ITGA9: variants seen among roughly 807,000 people sequenced by gnomAD.
The protein encoded by ITGA9 is integrin alpha-9.
A neutral mutation model predicts 127.8 loss-of-function variants in ITGA9; 56 were observed. That is an observed-to-expected ratio of 0.44 (90% CI 0.35 to 0.55). The LOEUF (loss-of-function observed/expected upper bound fraction) is 0.55, where lower values mean the gene tolerates loss of function less well. Ranked by LOEUF, ITGA9 falls within the 20% of genes least tolerant of loss-of-function variation. The pLI is 0.00. For missense variants in ITGA9, 1,196 were observed against 1,347.1 expected (o/e 0.89, Z 1.76); for synonymous variants, 508 against 514.5 (o/e 0.99, Z 0.17).
chr3:37,657,423 G>T (rs531841568), intron 17 of ITGA9, among the ~76,000 whole-genome samples: 1 of 152,226 alleles, frequency 6.6e-6, no homozygotes, highest in East Asian at 1.9e-4. Context: ...TTTTGGGAGG[G>T]TGTATGTGTC....
intron 15 of ITGA9, among the ~76,000 whole-genome samples, chr3:37,621,833 A>G (rs1401894622): frequency 5.9e-5 from 9 of 152,238 alleles, no homozygotes; most frequent in Non-Finnish European, 1.5e-5. Context: ...ATATATAGTC[A>G]TATTAAAATC....
At chr3:37,777,999 TAGG>T (rs1270440399) in intron 24 of ITGA9, among the ~76,000 whole-genome samples, 11 of 152,156 alleles carry the variant, frequency 7.2e-5, no homozygotes, top group Non-Finnish European at 1.5e-4. Context: ...TATCCATCAA[TAGG>T]AGAATAAGTA....
At chr3:37,542,695 A>G (rs576937214) in intron 15 of ITGA9, 110 bp downstream of exon 15, 2 of 1,114,118 alleles carry the variant, frequency 1.8e-6, no homozygotes, top group African/African-American at 1.5e-5. Flanking sequence ...CCAAAATTTT[A>G]TTTCACAGGG....
At chr3:37,705,757 C>A (rs1198962607) in intron 18 of ITGA9, among the ~76,000 whole-genome samples, 2 of 152,136 alleles carry the variant, frequency 1.3e-5, no homozygotes, top group Non-Finnish European at 2.9e-5. Flanking sequence ...TTTTCTTGTG[C>A]CTCATGAATT....
At chr3:37,585,657 AG>A (rs771992174) in intron 15 of ITGA9, 3 of 515,588 alleles carry the variant, frequency 5.8e-6, no homozygotes, top group South Asian at 1.4e-5. Flanking sequence ...TTGTGGCTAA[AG>A]AAGTCTCAAC....
intron 18 of ITGA9, 88 bp from the exon 19 acceptor site, chr3:37,732,624 T>A: frequency 1.0e-6 from 1 of 955,066 alleles, no homozygotes; most frequent in East Asian, 2.6e-5. Flanking sequence ...TGAGCACTGC[T>A]CTGAAGGACT....
At chr3:37,614,097 G>A (rs1357614184) in intron 15 of ITGA9, among the ~76,000 whole-genome samples, 3 of 152,006 alleles carry the variant, frequency 2.0e-5, no homozygotes, top group Non-Finnish European at 4.4e-5. Flanking sequence ...TATGGTTTTA[G>A]GTCTAACATT....
chr3:37,818,617 TC>T, intron 27 of ITGA9: 1 of 482,292 alleles, frequency 2.1e-6, no homozygotes, highest in Non-Finnish European at 3.8e-6. Flanking sequence ...TAACTGGTAT[TC>T]CCCAGCACAC....
rs1200219554 is a variant in ITGA9 at position 37,814,289 on chromosome 3, G to T, written c.3010-4602G>T. Among the ~76,000 whole-genome samples, 1 of 152,218 alleles carries T rather than the reference G, an allele frequency of 6.6e-6. No individual in the cohort carries two copies. Among genetic ancestry groups the T allele is most frequent in the African/African-American group, 2.4e-5 (1 of 41,448 alleles). ...GCCAGAAAATAACCTTCCCAGGCTG[G>T]GCGCGGTGGCTCACACCTGTAATCC... On this transcript the variant is annotated intron_variant, in intron 27 of 27. Transcript: ENST00000264741. The surrounding 1 kb of genome is among the most constrained non-coding windows in gnomAD (Gnocchi z 4.3).
intron 19 of ITGA9, 53 bp downstream of exon 19, chr3:37,732,851 C>G: frequency 1.5e-6 from 2 of 1,377,886 alleles, no homozygotes; most frequent in Non-Finnish European, 2.0e-6. Context: ...AGCCCTTCCA[C>G]CAGCCACTGA....
chr3:37,454,991 A>G (rs116231788), intron 1 of ITGA9, among the ~76,000 whole-genome samples: 39 of 152,318 alleles, frequency 2.6e-4, no homozygotes, highest in African/African-American at 8.9e-4. Flanking sequence ...ACTTAAGCCA[A>G]AGGATTCTTG....
In ITGA9 at chr3:37,452,683, C is replaced by A; in HGVS notation, c.185+124C>A. ...CGTCCCGAGGGGGCGATTTAAATGT[C>A]TCCGTTGCGCGCGGCTCGGCCGCCG... On this transcript the variant is annotated intron_variant, in intron 1 of 27. Coordinates refer to ENST00000264741, the MANE Select transcript of ITGA9 (RefSeq NM_002207.3). This position sits in a 1 kb window ranked among gnomAD's most constrained non-coding sequence, Gnocchi z 7.3. 1.2e-6 allele frequency: 1 copy of A among 837,056 alleles called. No homozygotes were observed. Among genetic ancestry groups the A allele is most frequent in the Non-Finnish European group, 1.7e-6 (1 of 601,928 alleles). The allele number at this position is 837,056 out of a possible 1,614,324, so 51.9% of individuals were successfully genotyped here. A position where few individuals can be genotyped will look rare whatever the true frequency, so the allele number is the denominator to read the frequency against.
intron 15 of ITGA9, among the ~76,000 whole-genome samples, chr3:37,576,309 T>C (rs1488607264): frequency 6.6e-6 from 1 of 152,244 alleles, no homozygotes; most frequent in African/African-American, 2.4e-5. Context: ...GAAACACGCG[T>C]AACTTTCCTG....
rs185197432 is a variant in ITGA9, at chr3:37,555,253, G to A, written c.1689+12668G>A. Among the ~76,000 whole-genome samples the A allele has an allele frequency of 7.5e-4, 114 of 152,286 alleles. No individual in the cohort carries two copies. The East Asian group carries it at 0.019, about 26-fold the overall frequency. Reference sequence around the variant, plus strand: ...GACCATCCATATTTTAAAAGAGGTTGGAAGATGTCTAAGTACCAGCTAGAC... The same window carrying A: ...GACCATCCATATTTTAAAAGAGGTTAGAAGATGTCTAAGTACCAGCTAGAC... On this transcript the variant is annotated intron_variant, in intron 15 of 27. Coordinates refer to ENST00000264741, the MANE Select transcript of ITGA9 (RefSeq NM_002207.3).
chr3:37,585,719 T>C, intron 15 of ITGA9: 1 of 492,642 alleles, frequency 2.0e-6, no homozygotes, highest in South Asian at 1.4e-5. Flanking sequence ...TTACTTTATT[T>C]GCGAAGGGGT....
In ITGA9 at chr3:37,597,204, A is replaced by G. The variant is rs1699878135; in HGVS notation, c.1690-31983A>G. Among the ~76,000 whole-genome samples, 1 of 152,218 alleles carries G rather than the reference A, an allele frequency of 6.6e-6. No individual in the cohort carries two copies. Among genetic ancestry groups the G allele is most frequent in the Non-Finnish European group, 1.5e-5 (1 of 68,042 alleles). The stretch of plus-strand genomic sequence containing the variant: ...CTGAATGGGATTATTCTGGAGATTA[A>G]AGCAATGGAAAGACTTTTCATGATC... On this transcript the variant is annotated intron_variant, in intron 15 of 27. Transcript: ENST00000264741. The surrounding 1 kb of genome is among the most constrained non-coding windows in gnomAD (Gnocchi z 4.6).
At chr3:37,748,271 G>A (rs555715053) in intron 22 of ITGA9, 61 of 502,460 alleles carry the variant, frequency 1.2e-4, no homozygotes, top group Admixed American at 5.8e-4. Context: ...GGAAGGCCCC[G>A]CAAGTATTAC....
chr3:37,625,388 A>G (rs1700167507), intron 15 of ITGA9, among the ~76,000 whole-genome samples: 1 of 152,198 alleles, frequency 6.6e-6, no homozygotes, highest in South Asian at 2.1e-4. Context: ...CAGATGGAGC[A>G]TATGTTAAGT....
At position 37,777,492 on chromosome 3, in the gene ITGA9, T is replaced by C; in HGVS notation, c.2642T>C (p.Phe881Ser). 1.2e-6 allele frequency: 2 copies of C among 1,614,220 alleles called. No homozygotes were observed. Among genetic ancestry groups the C allele is most frequent in the Non-Finnish European group, 1.7e-6 (2 of 1,180,032 alleles). ...ATCTTCCACACAATATTTGCTTTTT[T>C]CACAAAGTCTGGAAGAAAAGTCTTG... ...ENIFHTIFAF[F>S]TKSGRKVLDC... The change falls in exon 24 of 28, where the codon TTC (phenylalanine) becomes TCC (serine). Residue 881 changes from phenylalanine to serine, a missense_variant. Transcript: ENST00000264741.
Sources: allele counts gnomAD v4.1 joint callset (sites outside exome capture counted in the v4.1 genomes callset), GRCh38; gene constraint gnomAD v4.1.1; non-coding constraint Gnocchi (gnomAD v3.1); transcripts MANE v1.5; gene names NCBI Gene and HGNC (gene_info 2026-07-23, HGNC 2026-07-21).